The following COL7A1 variants were observed in gnomAD, a reference collection of about 807,000 sequenced individuals.
The protein encoded by COL7A1 is collagen alpha-1(VII) chain.
In COL7A1, 296 loss-of-function variants were observed where a neutral mutation model predicts 456.2. That is an observed-to-expected ratio of 0.65 (90% CI 0.59 to 0.71). The LOEUF (loss-of-function observed/expected upper bound fraction) is 0.71. COL7A1 is among the 30% of genes least tolerant of loss of function. The pLI is 0.00. For synonymous variants in COL7A1, 1,464 were observed against 1,525.9 expected, an observed-to-expected ratio of 0.96 and a Z score of 0.95; for missense variants, 3,441 against 4,017.2, an observed-to-expected ratio of 0.86 and a Z score of 3.88.
Position 48,566,672 on chromosome 3 carries a change from C to T in COL7A1, c.8292G>A (p.Glu2764=). The T allele has an allele frequency of 6.2e-7, 1 of 1,614,148 alleles. No individual in the cohort carries two copies. Among genetic ancestry groups the T allele is most frequent in the Non-Finnish European group, 8.5e-7 (1 of 1,180,018 alleles). The change falls in exon 112 of 119, where the codon GAG becomes GAA. Residue 2764 remains glutamate (E), a synonymous_variant. Coordinates refer to ENST00000681320, the MANE Select transcript of COL7A1 (RefSeq NM_000094.4). This position sits in a 1 kb window ranked among gnomAD's most constrained non-coding sequence, Gnocchi z 5.9. ...AATCCCTACTCACCTGCTCCCCTCT[C>T]TCGCCAGGAGCTCCAGGGACCCCAG... ...GAPGVPGAPG[E]RGEQGRPGPA...
At position 48,570,806 on chromosome 3, in the gene COL7A1, C is replaced by T. The variant is rs189921365; in HGVS notation, c.7272+55G>A. On this transcript the variant is annotated intron_variant, in intron 95 of 118. Transcript: ENST00000681320. The surrounding 1 kb of genome is among the most constrained non-coding windows in gnomAD (Gnocchi z 5.5). ...CTGGGAACCCCCAAGGCAGGGCCCC[C>T]TCCTCACCCACCATGGATTCACCAT... 8.9e-6 allele frequency: 14 copies of T among 1,568,800 alleles called. No individual in the cohort carries two copies. The East Asian group carries it at 3.0e-4, about 34-fold the overall frequency.
chr3:48,581,453 G>A lies in COL7A1; in HGVS notation c.4813C>T (p.Pro1605Ser). ...GPIGLTGRAG[P>S]PGDSGPPGEK... The stretch of plus-strand genomic sequence containing the variant: ...CCAGGGTAACGGGTACTCACTGGGG[G>A]TCCTGCTCTGCCAGTAAGGCCAATG... Residue 1605 changes from proline to serine, a missense_variant, in exon 51 of 119, where the codon CCC becomes TCC. By Grantham distance (74) the Pro-to-Ser change is moderately conservative. This residue lies in a region of COL7A1 where 2,084 missense variants were observed against 2,501.3 expected (regional missense o/e 0.83). Coordinates refer to ENST00000681320, the MANE Select transcript of COL7A1 (RefSeq NM_000094.4). This position sits in a 1 kb window ranked among gnomAD's most constrained non-coding sequence, Gnocchi z 5.8. The A allele has an allele frequency of 6.8e-6, 11 of 1,614,058 alleles. No individual in the cohort carries two copies. The highest frequency in any genetic ancestry group is 9.3e-6 in the Non-Finnish European group (11 of 1,180,008).
Position 48,591,990 on chromosome 3 carries a change from C to CG in COL7A1, c.1264dup (p.Arg422ProfsTer19). 1.2e-6 allele frequency: 2 copies of CG among 1,614,202 alleles called. No individual in the cohort carries two copies. Among genetic ancestry groups the CG allele is most frequent in the Non-Finnish European group, 1.7e-6 (2 of 1,180,034 alleles). Reference sequence around the variant, plus strand: ...GGATGTGGGGCCCAGGATGACCGGGCGCAGGGTCTGCTCAACAGAAGCGTC... The same window carrying CG: ...GGATGTGGGGCCCAGGATGACCGGGCGGCAGGGTCTGCTCAACAGAAGCGTC... On this transcript the variant is annotated frameshift_variant, in exon 11 of 119. Transcript: ENST00000681320. LOFTEE classifies it high-confidence loss of function. The surrounding 1 kb of genome is among the most constrained non-coding windows in gnomAD (Gnocchi z 7.0).
intron 44 of COL7A1, 79 bp from the exon 45 acceptor site, chr3:48,582,732 G>A (rs999034305): frequency 6.0e-6 from 9 of 1,502,828 alleles, no homozygotes; most frequent in Non-Finnish European, 6.4e-6. Context: ...GGCTGGGGTG[G>A]GGGCTGGAGA....
At position 48,587,991 on chromosome 3, in the gene COL7A1, G is replaced by C. The variant is rs754251276; in HGVS notation, c.2711-52C>G. The C allele has an allele frequency of 1.3e-6, 2 of 1,541,536 alleles. No individual in the cohort carries two copies. Among genetic ancestry groups the C allele is most frequent in the Admixed American group, 1.9e-5 (1 of 51,338 alleles). ...AAGAGCATGTGGGATAGTGACACCT[G>C]GGGGCATTAAAGGGCCTGCCCACTT... On this transcript the variant is annotated intron_variant, in intron 21 of 118. Coordinates refer to ENST00000681320, the MANE Select transcript of COL7A1 (RefSeq NM_000094.4). This position sits in a 1 kb window ranked among gnomAD's most constrained non-coding sequence, Gnocchi z 6.1.
rs13091797 is a variant in COL7A1 at position 48,567,363 on chromosome 3, C to T, written c.8047-173G>A. 2.1e-6 allele frequency: 2 copies of T among 961,230 alleles called. No homozygotes were observed. The highest frequency in any genetic ancestry group is 1.6e-5 in the African/African-American group (1 of 61,742). The allele number at this position is 961,230 out of a possible 1,614,324, so 59.5% of individuals were successfully genotyped here. A position where few individuals can be genotyped will look rare whatever the true frequency, so the allele number is the denominator to read the frequency against. Reference sequence around the variant, plus strand: ...TCCAACTCCACTATAGCCCCCTGCCCTGATGCACATGCCCCCTCCACCTCC... The same window carrying T: ...TCCAACTCCACTATAGCCCCCTGCCTTGATGCACATGCCCCCTCCACCTCC... On this transcript the variant is annotated intron_variant, in intron 109 of 118. Coordinates refer to ENST00000681320, the MANE Select transcript of COL7A1 (RefSeq NM_000094.4). This position sits in a 1 kb window ranked among gnomAD's most constrained non-coding sequence, Gnocchi z 4.3.
Position 48,564,769 on chromosome 3 carries a change from G to T in COL7A1, c.8818+14C>A, listed in dbSNP as rs773093117. The stretch of plus-strand genomic sequence containing the variant: ...TCAGTGCCCAGTTCCCCACGGTGGG[G>T]GCTCAGCCCATACCTGTCCCCTGGC... On this transcript the variant is annotated intron_variant, in intron 118 of 118. Coordinates refer to ENST00000681320, the MANE Select transcript of COL7A1 (RefSeq NM_000094.4). This position sits in a 1 kb window ranked among gnomAD's most constrained non-coding sequence, Gnocchi z 6.0. 5.6e-6 allele frequency: 9 copies of T among 1,611,926 alleles called. No homozygotes were observed. In the East Asian group the frequency reaches 2.0e-4, roughly 36 times the overall value.
chr3:48,573,147 C>A lies in COL7A1; in HGVS notation c.6714+27G>T. On this transcript the variant is annotated intron_variant, in intron 85 of 118. Transcript: ENST00000681320. This position sits in a 1 kb window ranked among gnomAD's most constrained non-coding sequence, Gnocchi z 5.5. ...CCCAAGGAGTGAAAACACGGTGTCC[C>A]TACAGGGGCCACAGGGACTCACTCA... The A allele has an allele frequency of 6.2e-7, 1 of 1,613,994 alleles. No individual in the cohort carries two copies. The highest frequency in any genetic ancestry group is 8.5e-7 in the Non-Finnish European group (1 of 1,179,918).
In COL7A1 at chr3:48,568,892, C is replaced by A. The variant is rs2107640014; in HGVS notation, c.7687-37G>T. 2 of 1,550,876 alleles carry A rather than the reference C, an allele frequency of 1.3e-6. No homozygotes were observed. Among genetic ancestry groups the A allele is most frequent in the Non-Finnish European group, 1.7e-6 (2 of 1,143,812 alleles). On this transcript the variant is annotated intron_variant, in intron 103 of 118. Coordinates refer to ENST00000681320, the MANE Select transcript of COL7A1 (RefSeq NM_000094.4). This position sits in a 1 kb window ranked among gnomAD's most constrained non-coding sequence, Gnocchi z 5.2. ...ACCAGGAGAGGGATTCAGTCAGGAC[C>A]AGATCAGGCTGGGGGCTTAGAATAC...
At position 48,593,665 on chromosome 3, in the gene COL7A1, C is replaced by T. The variant is rs748986531; in HGVS notation, c.298G>A (p.Gly100Arg). The T allele has an allele frequency of 1.9e-6, 3 of 1,614,128 alleles. No homozygotes were observed. The highest frequency in any genetic ancestry group is 2.5e-6 in the Non-Finnish European group (3 of 1,180,038). The stretch of plus-strand genomic sequence containing the variant: ...CGGATGGCGCGGATCACATCACCCC[C>T]AGAGCCAAGTGCATCCAGGCCGAAC... ...TEFGLDALGS[G>R]GDVIRAIREL... The change falls in exon 4 of 119, where the codon GGG becomes AGG. Residue 100 changes from glycine to arginine, a missense_variant. Physicochemically the swap from Gly to Arg is moderately radical, Grantham distance 125. Transcript: ENST00000681320. This position sits in a 1 kb window ranked among gnomAD's most constrained non-coding sequence, Gnocchi z 4.4.
In COL7A1 at chr3:48,586,505, TG is replaced by T. The variant is rs762087456; in HGVS notation, c.3404-28del. 1 of 1,613,754 alleles carries T rather than the reference TG, an allele frequency of 6.2e-7. No homozygotes were observed. The highest frequency in any genetic ancestry group is 2.2e-5 in the East Asian group (1 of 44,890). On this transcript the variant is annotated intron_variant, in intron 26 of 118. Transcript: ENST00000681320. The surrounding 1 kb of genome is among the most constrained non-coding windows in gnomAD (Gnocchi z 5.1). Reference sequence around the variant, plus strand: ...TGGAAGGAAGGACATGTCAGAACCCTGGGGCACCAAGCTCCCAGTGGATAGC... The same window carrying T: ...TGGAAGGAAGGACATGTCAGAACCCTGGGCACCAAGCTCCCAGTGGATAGC...
chr3:48,589,938 A>G (rs969652469), intron 16 of COL7A1, among the ~76,000 whole-genome samples: 1 of 152,082 alleles, frequency 6.6e-6, no homozygotes, highest in African/African-American at 2.4e-5. Flanking sequence ...GGGTCCAGCA[A>G]AAAAGGGATG....
chr3:48,574,213 C>A lies in COL7A1; in HGVS notation c.6501+49G>T. The A allele has an allele frequency of 6.2e-7, 1 of 1,610,698 alleles. No homozygotes were observed. The highest frequency in any genetic ancestry group is 8.5e-7 in the Non-Finnish European group (1 of 1,177,416). On this transcript the variant is annotated intron_variant, in intron 80 of 118. Coordinates refer to ENST00000681320, the MANE Select transcript of COL7A1 (RefSeq NM_000094.4). This position sits in a 1 kb window ranked among gnomAD's most constrained non-coding sequence, Gnocchi z 5.0. ...TGCACACACACAGCAGCAGCAGCAC[C>A]TAGCGGAGGGTCCGGAGCCTGGGGC...
chr3:48,576,551 GA>G lies in COL7A1; in HGVS notation c.5706del (p.Pro1903LeufsTer102). 1 of 1,610,012 alleles carries G rather than the reference GA, an allele frequency of 6.2e-7. No homozygotes were observed. Among genetic ancestry groups the G allele is most frequent in the Non-Finnish European group, 8.5e-7 (1 of 1,178,566 alleles). On this transcript the variant is annotated frameshift_variant, in exon 69 of 119. Transcript: ENST00000681320. LOFTEE classifies it high-confidence loss of function. ...PGPVGPPGQG[F>X]PGVPGGTGPK... Reference sequence around the variant, plus strand: ...GGGCCCGTGCCTCCTGGGACACCAGGAAAACCCTGAGATACGGCAGAACACA... The same window carrying G: ...GGGCCCGTGCCTCCTGGGACACCAGGAAACCCTGAGATACGGCAGAACACA...
chr3:48,571,945 T>A lies in COL7A1; in HGVS notation c.7068+56A>T. ...GCCCCGGCCCAAGAGTGGCCCCTTA[T>A]GCCCGCCATCACACTCCTCAGGCCA... is the stretch of plus-strand genomic sequence containing the variant. On this transcript the variant is annotated intron_variant, in intron 92 of 118. Transcript: ENST00000681320. This position sits in a 1 kb window ranked among gnomAD's most constrained non-coding sequence, Gnocchi z 4.6. The A allele has an allele frequency of 6.3e-7, 1 of 1,599,400 alleles. No homozygotes were observed. Among genetic ancestry groups the A allele is most frequent in the Non-Finnish European group, 8.5e-7 (1 of 1,172,194 alleles).
chr3:48,573,695 C>T lies in COL7A1; in HGVS notation c.6568G>A (p.Ala2190Thr), dbSNP rs2044088051. The T allele has an allele frequency of 1.2e-6, 2 of 1,613,092 alleles. No individual in the cohort carries two copies. Among genetic ancestry groups the T allele is most frequent in the Non-Finnish European group, 1.7e-6 (2 of 1,179,562 alleles). The change falls in exon 82 of 119, where the codon GCC becomes ACC. Residue 2190 changes from alanine to threonine, a missense_variant. Ala to Thr is a moderately conservative substitution (Grantham distance 58). Transcript: ENST00000681320. This position sits in a 1 kb window ranked among gnomAD's most constrained non-coding sequence, Gnocchi z 5.5. Reference protein sequence around the residue: ...GGHGDPGPPGAPGLAGPAGPQ... With the variant: ...GGHGDPGPPGTPGLAGPAGPQ... The stretch of plus-strand genomic sequence containing the variant: ...AGTGTTCCCTGGTCACTCACCGGGG[C>T]ACCAGGTGGTCCAGGGTCTCCATGA...
chr3:48,593,062 G>A lies in COL7A1; in HGVS notation c.682+40C>T, dbSNP rs200238547. The A allele has an allele frequency of 2.4e-5, 38 of 1,613,956 alleles. No individual in the cohort carries two copies. Among genetic ancestry groups the A allele is most frequent in the Middle Eastern group, 1.7e-4 (1 of 6,058 alleles). On this transcript the variant is annotated intron_variant, in intron 6 of 118. Transcript: ENST00000681320. This position sits in a 1 kb window ranked among gnomAD's most constrained non-coding sequence, Gnocchi z 4.4. ...CACTGCCAAGTGGGGATTGGGGTCC[G>A]GGGTCTAGGTCAGGGTACACCGTGT...
At position 48,576,868 on chromosome 3, in the gene COL7A1, A is replaced by C; in HGVS notation, c.5604+16T>G. On this transcript the variant is annotated intron_variant, in intron 67 of 118. Transcript: ENST00000681320. Reference sequence around the variant, plus strand: ...AGGGTCAGGGGTCAGAGGTTGCAGAAAACTCCAATACTCACTTCTCTCCCA... The same window carrying C: ...AGGGTCAGGGGTCAGAGGTTGCAGACAACTCCAATACTCACTTCTCTCCCA... The C allele has an allele frequency of 6.2e-7, 1 of 1,614,026 alleles. No individual in the cohort carries two copies. The highest frequency in any genetic ancestry group is 8.5e-7 in the Non-Finnish European group (1 of 1,180,010).
chr3:48,585,158 C>G lies in COL7A1; in HGVS notation c.3895-42G>C. 1 of 1,598,028 alleles carries G rather than the reference C, an allele frequency of 6.3e-7. No homozygotes were observed. Among genetic ancestry groups the G allele is most frequent in the Non-Finnish European group, 8.5e-7 (1 of 1,171,856 alleles). On this transcript the variant is annotated intron_variant, in intron 32 of 118. Coordinates refer to ENST00000681320, the MANE Select transcript of COL7A1 (RefSeq NM_000094.4). The surrounding 1 kb of genome is among the most constrained non-coding windows in gnomAD (Gnocchi z 4.5). ...GTCAGGACAGGAAGGGACCCTCCCC[C>G]AAGGCCCCTGGTTTGCTGGAGGGGC...
Sources: gnomAD v4.1 joint callset for allele counts (sites outside exome capture counted in the v4.1 genomes callset) on GRCh38, gnomAD v4.1.1 for gene constraint, gnomAD v4.1.1 regional missense constraint, Gnocchi (gnomAD v3.1) non-coding constraint, MANE v1.5 for transcripts, NCBI Gene and HGNC (gene_info 2026-07-23, HGNC 2026-07-21) for gene names.